Variants in PDE10A observed in about 807,000 individuals in gnomAD.
PDE10A encodes phosphodiesterase 10A.
Under a neutral mutation model 97.7 loss-of-function variants are expected in PDE10A, and 39 were observed. The ratio of observed to expected loss-of-function variants is 0.40; its 90% CI spans 0.31 to 0.52. The LOEUF (loss-of-function observed/expected upper bound fraction) is 0.52, where lower values mean the gene tolerates loss of function less well. Among genes scored for constraint, PDE10A ranks in the 20% least tolerant of loss-of-function variants. The pLI is 0.56. For synonymous variants in PDE10A, 371 were observed against 376.8 expected (o/e 0.98, Z 0.18); for missense variants, 731 against 1,047.8 (o/e 0.70, Z 4.17).
chr6:165,550,804 T>C (rs1783976968), intron 1 of PDE10A, among the ~76,000 whole-genome samples: 1 of 152,166 alleles, frequency 6.6e-6, no homozygotes, highest in Non-Finnish European at 1.5e-5. Flanking sequence ...AGACAGTGCA[T>C]CCTCCCACAA....
chr6:165,359,322 A>C (rs1319769720), intron 18 of PDE10A, among the ~76,000 whole-genome samples: 1 of 152,152 alleles, frequency 6.6e-6, no homozygotes, highest in Non-Finnish European at 1.5e-5. Flanking sequence ...TATTTATCAC[A>C]AAAATGTCCT....
At chr6:165,410,474 A>G (rs1787655115) in intron 13 of PDE10A, among the ~76,000 whole-genome samples, 1 of 114,710 alleles carries the variant, frequency 8.7e-6, no homozygotes, top group Non-Finnish European at 1.8e-5. Context: ...AAAGTTCCGA[A>G]GATGAAAATG....
At chr6:165,416,709 C>T (rs915731998) in intron 11 of PDE10A, among the ~76,000 whole-genome samples, 2 of 152,208 alleles carry the variant, frequency 1.3e-5, no homozygotes, top group Admixed American at 1.3e-4. Flanking sequence ...CACTAGAATG[C>T]TGGTCTCTAC....
chr6:165,611,403 T>TC (rs1387943160), intron 1 of PDE10A, among the ~76,000 whole-genome samples: 1 of 152,198 alleles, frequency 6.6e-6, no homozygotes, highest in African/African-American at 2.4e-5. Context: ...CTCCTGCCAG[T>TC]CCTGAGGAAG....
chr6:165,707,662 C>T (rs746247201), intron 1 of PDE10A, among the ~76,000 whole-genome samples: 3 of 151,146 alleles, frequency 2.0e-5, no homozygotes, highest in Non-Finnish European at 3.0e-5. Flanking sequence ...TATATGTGAG[C>T]GTGTGTGTGT....
intron 3 of PDE10A, 83 bp downstream of exon 3, chr6:165,482,232 T>G: frequency 1.1e-6 from 1 of 921,422 alleles, no homozygotes; most frequent in Non-Finnish European, 1.8e-6. Context: ...TCTGATACTT[T>G]AATGTGTTAG....
chr6:165,412,676 T>C (rs1184829247), intron 13 of PDE10A, among the ~76,000 whole-genome samples: 2 of 152,134 alleles, frequency 1.3e-5, no homozygotes, highest in Non-Finnish European at 2.9e-5. Context: ...TACCAATGCT[T>C]GTCCCTAGGT....
At chr6:165,541,007 A>G (rs1783406153) in intron 2 of PDE10A, among the ~76,000 whole-genome samples, 1 of 152,220 alleles carries the variant, frequency 6.6e-6, no homozygotes, top group Non-Finnish European at 1.5e-5. Flanking sequence ...TGGTTTTTAT[A>G]TAGGCCTCAA....
At chr6:165,343,135 G>A (rs1046812067) in intron 19 of PDE10A, among the ~76,000 whole-genome samples, 3 of 152,168 alleles carry the variant, frequency 2.0e-5, no homozygotes, top group Admixed American at 2.0e-4. Flanking sequence ...TAAGATAACT[G>A]TTATACTACT....
Position 165,340,170 on chromosome 6 carries a change from G to A in PDE10A, c.2896-812C>T, listed in dbSNP as rs570465636. Among the ~76,000 whole-genome samples, 3 of 152,250 alleles carry A rather than the reference G, an allele frequency of 2.0e-5. No homozygotes were observed. The South Asian group carries it at 6.2e-4, about 32-fold the overall frequency. On this transcript the variant is annotated intron_variant, in intron 19 of 21. Transcript: ENST00000539869. ...CTTATGAAATATTCTAGGATATGCT[G>A]TTCCCATTTTAAAGATTTTAGAAAT...
At chr6:165,481,579 T>G (rs903705970) in intron 3 of PDE10A, among the ~76,000 whole-genome samples, 1 of 152,226 alleles carries the variant, frequency 6.6e-6, no homozygotes, top group African/African-American at 2.4e-5. Context: ...AACTGATTAT[T>G]TTCAATATTT....
rs1299505935 is a variant in PDE10A, at chr6:165,671,445, C to T, written c.-614-127877G>A. 6.6e-6 allele frequency among the ~76,000 whole-genome samples: 1 copy of T among 152,132 alleles called. No homozygotes were observed. Among genetic ancestry groups the T allele is most frequent in the East Asian group, 1.9e-4 (1 of 5,196 alleles). ...CCAGAACTGAACATGAGCCCATTCACAGGGCCACTTAGGATTGAGGTCCAC... is the reference window on the plus strand; with the variant it reads ...CCAGAACTGAACATGAGCCCATTCATAGGGCCACTTAGGATTGAGGTCCAC... On this transcript the variant is annotated intron_variant, in intron 1 of 19. Transcript: ENST00000366882. The surrounding 1 kb of genome is among the most constrained non-coding windows in gnomAD (Gnocchi z 4.6).
chr6:165,950,481 C>A (rs543267406), intron 1 of PDE10A, among the ~76,000 whole-genome samples: 5 of 152,266 alleles, frequency 3.3e-5, no homozygotes, highest in African/African-American at 1.2e-4. Context: ...GAGTGATGCA[C>A]CTGTTCCCTA....
intron 1 of PDE10A, among the ~76,000 whole-genome samples, chr6:165,668,259 G>T (rs1790545734): frequency 6.6e-6 from 1 of 152,146 alleles, no homozygotes; most frequent in Non-Finnish European, 1.5e-5. Flanking sequence ...GGGTTGGCTG[G>T]GGGCTGAAAT....
chr6:165,748,825 T>C (rs1056962027), intron 1 of PDE10A, among the ~76,000 whole-genome samples: 3 of 152,108 alleles, frequency 2.0e-5, no homozygotes, highest in Middle Eastern at 6.8e-3. Flanking sequence ...TGTGTGTGTG[T>C]GTGTGTGTGA....
At chr6:165,369,836 G>A (rs1203763176) in intron 18 of PDE10A, among the ~76,000 whole-genome samples, 2 of 151,070 alleles carry the variant, frequency 1.3e-5, no homozygotes, top group African/African-American at 4.9e-5. Flanking sequence ...GAGAAAGGTC[G>A]GGTTACCCAC....
chr6:165,883,234 A>C (rs1206627357), intron 1 of PDE10A, among the ~76,000 whole-genome samples: 5 of 152,042 alleles, frequency 3.3e-5, no homozygotes, highest in Admixed American at 2.0e-4. Flanking sequence ...AGACTCTGTC[A>C]AAGAAAATAA....
intron 2 of PDE10A, among the ~76,000 whole-genome samples, chr6:165,500,791 T>C (rs1562525014): frequency 6.6e-6 from 1 of 152,094 alleles, no homozygotes; most frequent in Non-Finnish European, 1.5e-5. Context: ...GGCAATAGAA[T>C]GTCTCGGTGT....
At chr6:165,375,869 T>C (rs948736352) in intron 18 of PDE10A, among the ~76,000 whole-genome samples, 1 of 151,946 alleles carries the variant, frequency 6.6e-6, no homozygotes, top group Non-Finnish European at 1.5e-5. Flanking sequence ...GACAGCACAT[T>C]TGTTTAGAGC....
Sources: gnomAD v4.1 joint callset for allele counts (sites outside exome capture counted in the v4.1 genomes callset) on GRCh38, gnomAD v4.1.1 for gene constraint, Gnocchi (gnomAD v3.1) non-coding constraint, MANE v1.5 for transcripts, NCBI Gene and HGNC (gene_info 2026-07-23, HGNC 2026-07-21) for gene names.